CTNNA3: variants seen among roughly 807,000 people sequenced by gnomAD.
The protein encoded by CTNNA3 is catenin alpha 3.
In CTNNA3, 76 loss-of-function variants were observed where a neutral mutation model predicts 95.7. The observed-to-expected ratio is 0.79, with a 90% CI of 0.66 to 0.96. CTNNA3 has a LOEUF of 0.96. CTNNA3 is among the 40% of genes least tolerant of loss of function. The probability of loss-of-function intolerance (pLI) is 0.00; values close to 1 mark genes in which losing one functional copy is unlikely to be tolerated. For synonymous variants in CTNNA3, 431 were observed against 374.4 expected, an observed-to-expected ratio of 1.15 and a Z score of -1.74; for missense variants, 1,191 against 1,089.8, an observed-to-expected ratio of 1.09 and a Z score of -1.31.
chr10:66,685,864 T>C (rs1847278504), intron 9 of CTNNA3, among the ~76,000 whole-genome samples: 1 of 152,110 alleles, frequency 6.6e-6, no homozygotes. Context: ...GATGTTAAAT[T>C]ATTCAACTTC....
intron 4 of CTNNA3, among the ~76,000 whole-genome samples, chr10:67,522,390 C>T (rs1275946125): frequency 2.0e-5 from 3 of 152,036 alleles, no homozygotes; most frequent in African/African-American, 4.8e-5. Context: ...GTTGCTTACA[C>T]GATATTTTGC....
chr10:66,685,313 GTGTGTA>G (rs1274019300), intron 9 of CTNNA3, among the ~76,000 whole-genome samples: 641 of 30,414 alleles, frequency 0.021, 23 homozygotes, highest in African/African-American at 0.049. Flanking sequence ...ATATATGTGT[GTGTGTA>G]TGTGTGTATA....
rs1348273576 is a variant in CTNNA3, at chr10:66,669,283, T to A, written c.1282-47499A>T. Among the ~76,000 whole-genome samples the A allele has an allele frequency of 1.5e-4, 23 of 151,984 alleles. 1 individual carries two copies. Among genetic ancestry groups the A allele is most frequent in the Middle Eastern group, 3.2e-3 (1 of 316 alleles). The stretch of plus-strand genomic sequence containing the variant: ...AGTTGCCCGAGCGTGGTGGCTCACG[T>A]TTGTAATCCCAGAACTTTGGGAGGC... On this transcript the variant is annotated intron_variant, in intron 9 of 17. Transcript: ENST00000433211.
chr10:67,224,309 T>C (rs1274800400), intron 5 of CTNNA3, among the ~76,000 whole-genome samples: 2 of 152,228 alleles, frequency 1.3e-5, no homozygotes, highest in South Asian at 4.1e-4. Flanking sequence ...TTTGACTTGT[T>C]TAGATTCCAC....
chr10:66,514,567 T>C (rs1352093994), intron 11 of CTNNA3, among the ~76,000 whole-genome samples: 1 of 152,090 alleles, frequency 6.6e-6, no homozygotes, highest in Non-Finnish European at 1.5e-5. Context: ...CCAAAAACCA[T>C]TGTCAATCGC....
At chr10:67,057,639 G>T (rs1312053975) in intron 7 of CTNNA3, among the ~76,000 whole-genome samples, 2 of 152,076 alleles carry the variant, frequency 1.3e-5, no homozygotes, top group African/African-American at 4.8e-5. Flanking sequence ...GCAACACGAG[G>T]TTGGTTTACT....
chr10:65,924,603 C>A (rs1255325816), intron 17 of CTNNA3, among the ~76,000 whole-genome samples: 2 of 152,066 alleles, frequency 1.3e-5, no homozygotes, highest in African/African-American at 4.8e-5. Flanking sequence ...TATTTCTTAG[C>A]TCACTTCTCT....
chr10:67,255,681 A>C (rs1303295766), intron 5 of CTNNA3, among the ~76,000 whole-genome samples: 1 of 152,218 alleles, frequency 6.6e-6, no homozygotes, highest in Non-Finnish European at 1.5e-5. Flanking sequence ...GATTTAATCC[A>C]AAGTATTTTA....
intron 7 of CTNNA3, among the ~76,000 whole-genome samples, chr10:66,799,087 G>A (rs2132227873): frequency 6.6e-6 from 1 of 151,694 alleles, no homozygotes; most frequent in South Asian, 2.1e-4. Flanking sequence ...AGCTTTGACA[G>A]AATCAAAATG....
intron 5 of CTNNA3, among the ~76,000 whole-genome samples, chr10:67,503,444 T>A (rs780010634): frequency 3.4e-4 from 52 of 152,226 alleles, no homozygotes; most frequent in Non-Finnish European, 5.1e-4. Context: ...CTATCTTAAC[T>A]ATTTTTTTTT....
intron 5 of CTNNA3, among the ~76,000 whole-genome samples, chr10:67,326,125 C>A (rs1030357127): frequency 5.9e-5 from 9 of 152,110 alleles, no homozygotes; most frequent in African/African-American, 2.2e-4. Context: ...TGTGTCTCTG[C>A]ATGTGAGATG....
At chr10:67,615,752 T>C (rs1266027646) in intron 2 of CTNNA3, among the ~76,000 whole-genome samples, 1 of 141,118 alleles carries the variant, frequency 7.1e-6, no homozygotes, top group Non-Finnish European at 1.5e-5. Flanking sequence ...AACCTCTGCC[T>C]CCTGGGTTCA....
At chr10:66,175,992 T>A (rs375178164) in intron 13 of CTNNA3, among the ~76,000 whole-genome samples, 142 of 152,322 alleles carry the variant, frequency 9.3e-4, no homozygotes, top group African/African-American at 3.2e-3. Context: ...GTAATTTTTC[T>A]ATCACAGTCA....
chr10:66,177,596 C>A (rs1257658812), intron 13 of CTNNA3, among the ~76,000 whole-genome samples: 1 of 151,908 alleles, frequency 6.6e-6, no homozygotes, highest in Non-Finnish European at 1.5e-5. Flanking sequence ...ATATTGGCAG[C>A]CCTAGACTGA....
chr10:66,825,234 G>T (rs1420472396), intron 7 of CTNNA3, among the ~76,000 whole-genome samples: 1 of 146,926 alleles, frequency 6.8e-6, no homozygotes, highest in Non-Finnish European at 1.5e-5. Flanking sequence ...TTATATAAAT[G>T]ACAATATATA....
chr10:67,343,271 T>C (rs1040200482), intron 5 of CTNNA3, among the ~76,000 whole-genome samples: 1 of 152,154 alleles, frequency 6.6e-6, no homozygotes, highest in African/African-American at 2.4e-5. Flanking sequence ...TTAGGATAGT[T>C]TTTTTCTATT....
chr10:66,888,386 G>A (rs923553050), intron 7 of CTNNA3, among the ~76,000 whole-genome samples: 1 of 152,156 alleles, frequency 6.6e-6, no homozygotes, highest in Non-Finnish European at 1.5e-5. Context: ...GCCTAGTGAT[G>A]TCCATGCTGA....
intron 12 of CTNNA3, among the ~76,000 whole-genome samples, chr10:66,301,826 C>T (rs893241506): frequency 6.6e-6 from 1 of 151,960 alleles, no homozygotes; most frequent in Non-Finnish European, 1.5e-5. Flanking sequence ...GATGTCCACT[C>T]TCACCACTAG....
At chr10:65,933,280 A>G (rs1432602304) in intron 17 of CTNNA3, among the ~76,000 whole-genome samples, 1 of 152,198 alleles carries the variant, frequency 6.6e-6, no homozygotes, top group East Asian at 1.9e-4. Flanking sequence ...ATAATTTGAT[A>G]GTAATAATAA....
Sources: allele counts gnomAD v4.1 joint callset (sites outside exome capture counted in the v4.1 genomes callset), GRCh38; gene constraint gnomAD v4.1.1; transcripts MANE v1.5; gene names NCBI Gene and HGNC (gene_info 2026-07-23, HGNC 2026-07-21).